The following ZFAT variants were observed in gnomAD, a reference collection of about 807,000 sequenced individuals.
ZFAT encodes the protein zinc finger and AT-hook domain containing.
In ZFAT, 64 loss-of-function variants were observed where a neutral mutation model predicts 117.7. That is an observed-to-expected ratio of 0.54 (90% CI 0.44 to 0.67). The LOEUF is 0.67. Among genes scored for constraint, ZFAT ranks in the 30% least tolerant of loss-of-function variants. The pLI is 0.00. For missense variants in ZFAT, 1,433 were observed against 1,584.5 expected, an observed-to-expected ratio of 0.90 and a Z score of 1.62; for synonymous variants, 679 against 615.0, an observed-to-expected ratio of 1.10 and a Z score of -1.54.
At chr8:134,553,533 T>C (rs550538761) in intron 11 of ZFAT, among the ~76,000 whole-genome samples, 2 of 152,196 alleles carry the variant, frequency 1.3e-5, no homozygotes, top group Admixed American at 6.5e-5. Flanking sequence ...AGGTACATCA[T>C]GAAAGAATGT....
the ZFAT span, among the ~76,000 whole-genome samples, chr8:134,789,139 C>A: frequency 4.6e-5 from 7 of 152,050 alleles, no homozygotes; most frequent in Non-Finnish European, 1.0e-4. Context: ...CTTTTGTCTC[C>A]ATTAAATTGT....
At chr8:134,777,457 T>G in the ZFAT span, among the ~76,000 whole-genome samples, 1 of 152,190 alleles carries the variant, frequency 6.6e-6, no homozygotes, top group East Asian at 1.9e-4. Flanking sequence ...ACACGTACCT[T>G]GGCCAAACTG....
intron 11 of ZFAT, among the ~76,000 whole-genome samples, chr8:134,550,576 T>C (rs1176305206): frequency 1.3e-5 from 2 of 152,254 alleles, no homozygotes; most frequent in East Asian, 1.9e-4. Context: ...GAAGACTCTT[T>C]AGCGTTCTCT....
At chr8:134,652,558 G>A (rs1292444368) in intron 2 of ZFAT, among the ~76,000 whole-genome samples, 1 of 152,182 alleles carries the variant, frequency 6.6e-6, no homozygotes, top group Non-Finnish European at 1.5e-5. Flanking sequence ...CTAAAGACAA[G>A]TGTTAATATT....
chr8:134,539,243 A>G (rs534202021), intron 11 of ZFAT, among the ~76,000 whole-genome samples: 67 of 152,322 alleles, frequency 4.4e-4, no homozygotes, highest in African/African-American at 1.6e-3. Flanking sequence ...GTAATGTTCA[A>G]GGTCATGACA....
At chr8:134,529,013 G>C (rs1821220193) in intron 12 of ZFAT, among the ~76,000 whole-genome samples, 1 of 152,198 alleles carries the variant, frequency 6.6e-6, no homozygotes, top group African/African-American at 2.4e-5. Flanking sequence ...GGGAATCTTA[G>C]AGAATGATAT....
chr8:134,490,770 C>T (rs938703925), intron 15 of ZFAT, among the ~76,000 whole-genome samples: 3 of 152,164 alleles, frequency 2.0e-5, no homozygotes, highest in African/African-American at 7.2e-5. Context: ...TTCCTAAGTC[C>T]ATAAAGCAGG....
chr8:134,602,139 C>T lies in ZFAT; in HGVS notation c.1580G>A (p.Gly527Asp). ...QLVEEEFALQGVNALKEEACP... is the reference protein window; with the variant it reads ...QLVEEEFALQDVNALKEEACP... ...GGCCTCTTCCTTGAGTGCATTCACG[C>T]CCTGGAGGGCAAACTCCTCTTCCAC... The change falls in exon 6 of 16, where the codon GGC becomes GAC. Residue 527 changes from glycine to aspartate, a missense_variant. Physicochemically the swap from Gly to Asp is moderately conservative, Grantham distance 94. This residue lies in a region of ZFAT where 372 missense variants were observed against 355.6 expected (regional missense o/e 1.05). Transcript: ENST00000377838. 3 of 1,613,114 alleles carry T rather than the reference C, an allele frequency of 1.9e-6. No homozygotes were observed. The highest frequency in any genetic ancestry group is 1.1e-5 in the South Asian group (1 of 90,982).
At chr8:134,627,378 C>T (rs1489027227) in intron 3 of ZFAT, among the ~76,000 whole-genome samples, 1 of 152,136 alleles carries the variant, frequency 6.6e-6, no homozygotes, top group African/African-American at 2.4e-5. Flanking sequence ...CGAGATGGCT[C>T]CAAGGTTTCC....
At chr8:134,818,531 A>G in the ZFAT span, among the ~76,000 whole-genome samples, 1 of 152,234 alleles carries the variant, frequency 6.6e-6, no homozygotes, top group Non-Finnish European at 1.5e-5. Context: ...CTGGCAGTTT[A>G]AGAAGAAACT....
intron 1 of ZFAT, chr8:134,696,679 T>G (rs994085371): frequency 2.2e-6 from 2 of 908,026 alleles, no homozygotes; most frequent in African/African-American, 3.6e-5. Context: ...AGGCTCTGAT[T>G]GGCCCAGAAT....
chr8:134,768,069 C>T, the ZFAT span, among the ~76,000 whole-genome samples: 1 of 152,136 alleles, frequency 6.6e-6, no homozygotes. Context: ...ATAGGCATAC[C>T]TTGTTCAACT....
At chr8:134,685,778 C>T (rs187517261) in intron 1 of ZFAT, among the ~76,000 whole-genome samples, 166 of 152,304 alleles carry the variant, frequency 1.1e-3, no homozygotes, top group Non-Finnish European at 1.9e-3. Context: ...CAGTGGCCCA[C>T]CAGGGCACTA....
chr8:134,511,667 T>C (rs749520486), intron 14 of ZFAT, among the ~76,000 whole-genome samples: 1 of 152,222 alleles, frequency 6.6e-6, no homozygotes, highest in Non-Finnish European at 1.5e-5. Flanking sequence ...TCCAGATATG[T>C]ACAGGGCTGT....
chr8:134,522,751 C>T (rs893226385), intron 12 of ZFAT, among the ~76,000 whole-genome samples: 1 of 152,208 alleles, frequency 6.6e-6, no homozygotes, highest in Admixed American at 6.5e-5. Flanking sequence ...TTCTTATGGC[C>T]ACACTTCCAA....
intron 1 of ZFAT, among the ~76,000 whole-genome samples, chr8:134,703,237 T>G (rs1168311858): frequency 6.6e-6 from 1 of 152,252 alleles, no homozygotes; most frequent in Non-Finnish European, 1.5e-5. Flanking sequence ...AATTTGCATT[T>G]TCCTAGGAAC....
intron 1 of ZFAT, among the ~76,000 whole-genome samples, chr8:134,691,673 T>C (rs1833595180): frequency 6.6e-6 from 1 of 152,234 alleles, no homozygotes; most frequent in Non-Finnish European, 1.5e-5. Flanking sequence ...ATGAGGTCTC[T>C]GGTACTCCCT....
chr8:134,573,974 C>T (rs1046105113), intron 10 of ZFAT, among the ~76,000 whole-genome samples: 7 of 152,190 alleles, frequency 4.6e-5, no homozygotes, highest in Non-Finnish European at 1.0e-4. Context: ...ACATTACCCA[C>T]GTTGTCCTGT....
At chr8:134,536,072 C>T (rs981727547) in intron 11 of ZFAT, among the ~76,000 whole-genome samples, 2 of 152,176 alleles carry the variant, frequency 1.3e-5, no homozygotes, top group African/African-American at 2.4e-5. Context: ...GAGTTCAGCT[C>T]GCTTTCTTCC....
Sources: gnomAD v4.1 joint callset for allele counts (sites outside exome capture counted in the v4.1 genomes callset) on GRCh38, gnomAD v4.1.1 for gene constraint, gnomAD v4.1.1 regional missense constraint, MANE v1.5 for transcripts, NCBI Gene and HGNC (gene_info 2026-07-23, HGNC 2026-07-21) for gene names.